Variants in PCDHGB3 observed in about 807,000 individuals in gnomAD.
PCDHGB3 encodes protocadherin gamma subfamily B, 3.
PCDHGB3 carries 40 observed loss-of-function variants against 59.2 expected under a neutral mutation model. The observed-to-expected ratio is 0.68, with a 90% confidence interval of 0.52 to 0.88. The LOEUF is 0.88. Ranked by LOEUF, PCDHGB3 falls within the 40% of genes least tolerant of loss-of-function variation. The pLI is 0.00. For synonymous variants in PCDHGB3, 581 were observed against 503.6 expected (o/e 1.15, Z -2.06); for missense variants, 1,309 against 1,187.9 (o/e 1.10, Z -1.50).
chr5:141,375,123 T>C, intron 1 of PCDHGB3: 2 of 1,613,914 alleles, frequency 1.2e-6, no homozygotes. Context: ...GTACCAGAAG[T>C]GGTTGTTACA....
chr5:141,402,616 A>G (rs974813396), intron 1 of PCDHGB3, among the ~76,000 whole-genome samples: 1 of 152,256 alleles, frequency 6.6e-6, no homozygotes, highest in African/African-American at 2.4e-5. Flanking sequence ...AAATGCAAGA[A>G]ACAATTGGAG....
At position 141,371,452 on chromosome 5, in the gene PCDHGB3, C is replaced by A. The variant is rs1430739263; in HGVS notation, c.1058C>A (p.Ser353Tyr). The stretch of plus-strand genomic sequence containing the variant: ...CCGGAGATAACCCTGGCTTCTGAAT[C>A]CCAACATATACAAGAAGATGCTGAG... ...NAPEITLASE[S>Y]QHIQEDAELG... Residue 353 changes from serine (S) to tyrosine (Y), a missense_variant, in exon 1 of 4, where the codon TCC (serine) becomes TAC (tyrosine). Coordinates refer to ENST00000576222, the MANE Select transcript of PCDHGB3 (RefSeq NM_018924.5). 3.7e-6 allele frequency: 6 copies of A among 1,613,858 alleles called. No homozygotes were observed. In the Admixed American group the frequency reaches 8.3e-5, roughly 22 times the overall value.
intron 1 of PCDHGB3, chr5:141,395,196 G>A (rs1431851304): frequency 5.0e-6 from 8 of 1,613,948 alleles, no homozygotes; most frequent in Admixed American, 1.7e-5. Flanking sequence ...GTTAACATCC[G>A]TAGATTTTCA....
intron 1 of PCDHGB3, among the ~76,000 whole-genome samples, chr5:141,488,613 A>C (rs1214413025): frequency 1.3e-5 from 2 of 152,158 alleles, no homozygotes; most frequent in Non-Finnish European, 2.9e-5. Flanking sequence ...GTTCTTACTA[A>C]TCTTTTCTCT....
At chr5:141,412,198 G>T (rs1248911071) in intron 1 of PCDHGB3, 1 of 152,180 alleles carries the variant, frequency 6.6e-6, no homozygotes, top group African/African-American at 2.4e-5. Flanking sequence ...ATGAAAACAG[G>T]TCATTTGACA....
At chr5:141,389,519 C>T in intron 1 of PCDHGB3, 1 of 1,613,156 alleles carries the variant, frequency 6.2e-7, no homozygotes, top group South Asian at 1.1e-5. Context: ...CGAACGTGAG[C>T]CTGCGCGTGT....
At chr5:141,416,287 T>A (rs2096012467) in intron 1 of PCDHGB3, 1 of 152,276 alleles carries the variant, frequency 6.6e-6, no homozygotes, top group Admixed American at 6.5e-5. Flanking sequence ...ATTCTCTAAT[T>A]TCACACTGCT....
chr5:141,393,776 C>G, intron 1 of PCDHGB3: 1 of 1,613,714 alleles, frequency 6.2e-7, no homozygotes, highest in Admixed American at 1.7e-5. Flanking sequence ...AAATACAAGC[C>G]GAAGATGTGG....
Position 141,441,798 on chromosome 5 carries a change from CGGGT to C in PCDHGB3, c.2416-53007_2416-53004del, listed in dbSNP as rs1242635625. 6.4e-4 allele frequency: 248 copies of C among 387,326 alleles called. 2 individuals are homozygous for C. The highest frequency in any genetic ancestry group is 4.8e-3 in the African/African-American group (220 of 46,120). 24.0% of individuals were successfully genotyped at this position (387,326 alleles called of 1,614,324 possible). A position where few individuals can be genotyped will look rare whatever the true frequency, so the allele number is the denominator to read the frequency against. ...GGACGACCTGAATGACAACGCACCG[CGGGT>C]GCTGTACCCCAGCTCTGGAGCGCAA... On this transcript the variant is annotated intron_variant, in intron 1 of 3. Transcript: ENST00000576222.
chr5:141,405,339 A>T (rs980651625), intron 1 of PCDHGB3: 12 of 1,614,060 alleles, frequency 7.4e-6, no homozygotes, highest in Non-Finnish European at 1.0e-5. Context: ...GTCTCTGTTG[A>T]TTCCAAGTTT....
chr5:141,385,104 G>A, intron 1 of PCDHGB3: 1 of 1,614,192 alleles, frequency 6.2e-7, no homozygotes, highest in Non-Finnish European at 8.5e-7. Flanking sequence ...TGGCGAACGT[G>A]CCCACCTCGC....
intron 1 of PCDHGB3, chr5:141,407,908 G>C (rs1431775491): frequency 2.4e-6 from 1 of 420,166 alleles, no homozygotes; most frequent in Non-Finnish European, 4.2e-6. Flanking sequence ...ATGAAAAACC[G>C]GGCTGCTGTC....
In PCDHGB3 at chr5:141,404,779, C is replaced by T. The variant is rs779433248; in HGVS notation, c.2415+31970C>T. 8.1e-6 allele frequency: 13 copies of T among 1,613,628 alleles called. No individual in the cohort carries two copies. In the Admixed American group the frequency reaches 1.5e-4, roughly 19 times the overall value. ...ATGCTTGGCTCTCCTACCGCCTATT[C>T]AAGGCCAGTGAGCCAGGGCTCTTCT... On this transcript the variant is annotated intron_variant, in intron 1 of 3. Coordinates refer to ENST00000576222, the MANE Select transcript of PCDHGB3 (RefSeq NM_018924.5).
At chr5:141,459,499 G>A (rs2098968854) in intron 1 of PCDHGB3, among the ~76,000 whole-genome samples, 1 of 152,172 alleles carries the variant, frequency 6.6e-6, no homozygotes, top group Non-Finnish European at 1.5e-5. Context: ...TTAAAGTGAT[G>A]TGAACAATCA....
chr5:141,383,634 T>G (rs1364470063), intron 1 of PCDHGB3: 1 of 1,613,914 alleles, frequency 6.2e-7, no homozygotes, highest in African/African-American at 1.3e-5. Context: ...TCTCTCTGCC[T>G]CAGTACCAAG....
intron 1 of PCDHGB3, among the ~76,000 whole-genome samples, chr5:141,430,213 A>G (rs892801149): frequency 6.6e-6 from 1 of 151,106 alleles, no homozygotes; most frequent in Non-Finnish European, 1.5e-5. Context: ...AAATTATTAT[A>G]TTATATGATT....
Position 141,371,443 on chromosome 5 carries a change from C to T in PCDHGB3, c.1049C>T (p.Ala350Val). ...ENDNAPEITL[A>V]SESQHIQEDA... ...GACAATGCCCCGGAGATAACCCTGG[C>T]TTCTGAATCCCAACATATACAAGAA... Residue 350 changes from alanine to valine, a missense_variant, in exon 1 of 4, where the codon GCT (alanine) becomes GTT (valine). Coordinates refer to ENST00000576222, the MANE Select transcript of PCDHGB3 (RefSeq NM_018924.5). 1 of 1,613,978 alleles carries T rather than the reference C, an allele frequency of 6.2e-7. No homozygotes were observed. The highest frequency in any genetic ancestry group is 8.5e-7 in the Non-Finnish European group (1 of 1,179,860).
At chr5:141,388,793 T>A (rs1441605740) in intron 1 of PCDHGB3, 2 of 1,613,918 alleles carry the variant, frequency 1.2e-6, no homozygotes, top group Admixed American at 3.3e-5. Flanking sequence ...CTGTTTTAAA[T>A]ACATTAGATT....
At position 141,491,753 on chromosome 5, in the gene PCDHGB3, C is replaced by T. The variant is rs373728953; in HGVS notation, c.2416-3054C>T. On this transcript the variant is annotated intron_variant, in intron 1 of 3. Coordinates refer to ENST00000576222, the MANE Select transcript of PCDHGB3 (RefSeq NM_018924.5). The surrounding 1 kb of genome is among the most constrained non-coding windows in gnomAD (Gnocchi z 6.9). ...ACCCCTGGGGGCGGCACTGGAGAAGCCGCCCGTCCTCATAAGGGATTGAAC... is the reference window on the plus strand; with the variant it reads ...ACCCCTGGGGGCGGCACTGGAGAAGTCGCCCGTCCTCATAAGGGATTGAAC... 4 of 1,585,146 alleles carry T rather than the reference C, an allele frequency of 2.5e-6. No homozygotes were observed. Among genetic ancestry groups the T allele is most frequent in the East Asian group, 2.3e-5 (1 of 43,412 alleles).
Sources: gnomAD v4.1 joint callset for allele counts (sites outside exome capture counted in the v4.1 genomes callset) on GRCh38, gnomAD v4.1.1 for gene constraint, Gnocchi (gnomAD v3.1) non-coding constraint, MANE v1.5 for transcripts, NCBI Gene and HGNC (gene_info 2026-07-23, HGNC 2026-07-21) for gene names.